SHROOM2: variants seen among roughly 807,000 people sequenced by gnomAD.
The protein encoded by SHROOM2 is protein Shroom2.
In SHROOM2, 33 loss-of-function variants were observed where a neutral mutation model predicts 75.9. The ratio of observed to expected loss-of-function variants is 0.43; its 90% CI spans 0.33 to 0.58. The LOEUF is 0.58. SHROOM2 is among the 20% of genes least tolerant of loss of function. SHROOM2 has a pLI of 0.04. For missense variants in SHROOM2, 1,434 were observed against 1,461.2 expected (o/e 0.98, Z 0.30); for synonymous variants, 655 against 663.6 (o/e 0.99, Z 0.20).
rs757346611 is a variant in SHROOM2 at position 9,869,152 on chromosome X, G to A, written c.166-4500G>A. On this transcript the variant is annotated intron_variant, in intron 1 of 9. Coordinates refer to ENST00000380913, the MANE Select transcript of SHROOM2 (RefSeq NM_001649.4). ...TTGTTTGTATTTTTAGTAGAGACAG[G>A]GTTTCACCATGTTGGCCACGCTGGT... 2.8e-5 allele frequency among the ~76,000 whole-genome samples: 3 copies of A among 109,073 alleles called. No individual in the cohort carries two copies. In the South Asian group the frequency reaches 1.2e-3, roughly 44 times the overall value. The allele number at this position is 109,073 out of a possible 115,157, so 94.7% of individuals were successfully genotyped here. A position where few individuals can be genotyped will look rare whatever the true frequency, so the allele number is the denominator to read the frequency against.
intron 1 of SHROOM2, among the ~76,000 whole-genome samples, chrX:9,821,241 C>G (rs1349989302): frequency 8.9e-6 from 1 of 112,312 alleles, no homozygotes; most frequent in Non-Finnish European, 1.9e-5. Context: ...TTAGCATGTG[C>G]AAAACCTCGG....
At chrX:9,884,677 T>TAA (rs34693829) in intron 2 of SHROOM2, among the ~76,000 whole-genome samples, 1 of 86,520 alleles carries the variant, frequency 1.2e-5, no homozygotes, top group Non-Finnish European at 2.2e-5. Flanking sequence ...CCCTGTCCTT[T>TAA]AAAAAAAAAA....
chrX:9,856,904 A>G (rs1332921383), intron 1 of SHROOM2, among the ~76,000 whole-genome samples: 3 of 112,555 alleles, frequency 2.7e-5, no homozygotes, highest in East Asian at 5.6e-4. Context: ...GGGACCGCAC[A>G]TGCCACCCTG....
chrX:9,819,457 C>T (rs1569141125), intron 1 of SHROOM2: 6 of 310,824 alleles, frequency 1.9e-5, no homozygotes, highest in Middle Eastern at 4.8e-4. Flanking sequence ...CTGGGGTTGA[C>T]GTTGACAGAC....
chrX:9,894,285 G>A (rs965690184), intron 3 of SHROOM2, 73 bp from the exon 4 acceptor site: 30 of 1,016,380 alleles, frequency 3.0e-5, no homozygotes, highest in Admixed American at 5.6e-5. Context: ...GGTCAGCTGC[G>A]TCCACCGCCT....
At position 9,895,547 on chromosome X, in the gene SHROOM2, G is replaced by C; in HGVS notation, c.1639G>C (p.Ala547Pro). 8.5e-7 allele frequency: 1 copy of C among 1,182,132 alleles called. No individual in the cohort carries two copies. The highest frequency in any genetic ancestry group is 1.1e-6 in the Non-Finnish European group (1 of 882,138). ...PLDKGAEGCS[A>P]GAQEPPRASR... is the part of the protein sequence containing the mutation. Reference sequence around the variant, plus strand: ...GGACAAAGGGGCCGAGGGCTGCTCCGCGGGAGCCCAGGAGCCTCCCAGGGC... The same window carrying C: ...GGACAAAGGGGCCGAGGGCTGCTCCCCGGGAGCCCAGGAGCCTCCCAGGGC... Residue 547 changes from alanine to proline, a missense_variant, in exon 4 of 10, where the codon GCG (alanine) becomes CCG (proline). Transcript: ENST00000380913.
chrX:9,911,942 G>A lies in SHROOM2; in HGVS notation c.2891+13652G>A, dbSNP rs148596357. ...TGCAGTGGGCTTTCTATATTTCCCC[G>A]TTAAAATATAAGAAGTGCTGGGCAC... On this transcript the variant is annotated intron_variant, in intron 5 of 9. Transcript: ENST00000380913. Among the ~76,000 whole-genome samples, 1,002 of 109,812 alleles carry A rather than the reference G, an allele frequency of 9.1e-3. 16 individuals carry two copies. Among genetic ancestry groups the A allele is most frequent in the African/African-American group, 0.031 (922 of 30,110 alleles).
chrX:9,857,996 C>T (rs544123245), intron 1 of SHROOM2, among the ~76,000 whole-genome samples: 331 of 111,419 alleles, frequency 3.0e-3, no homozygotes, highest in African/African-American at 0.01. Context: ...CCAGCCTCTG[C>T]GAGCGCTGGC....
chrX:9,890,841 G>A (rs1421562426), intron 2 of SHROOM2, 136 bp from the exon 3 acceptor site: 12 of 560,944 alleles, frequency 2.1e-5, no homozygotes, highest in East Asian at 2.0e-4. Context: ...CGCTGTGTGC[G>A]GTCCTCAAGC....
intron 1 of SHROOM2, among the ~76,000 whole-genome samples, chrX:9,832,230 T>C (rs896447835): frequency 2.0e-4 from 22 of 111,967 alleles, no homozygotes; most frequent in Non-Finnish European, 3.4e-4. Context: ...GGCAGGGAGC[T>C]CCTTAGGCCT....
intron 5 of SHROOM2, chrX:9,913,259 C>A (rs764124882): frequency 6.0e-4 from 68 of 112,551 alleles, no homozygotes; most frequent in African/African-American, 2.0e-3. Flanking sequence ...GAAAAAAAAG[C>A]GGCGAAATCA....
At chrX:9,944,480 C>T (rs746472294) in intron 8 of SHROOM2, among the ~76,000 whole-genome samples, 161 bp from the exon 9 acceptor site, 11 of 112,278 alleles carry the variant, frequency 9.8e-5, no homozygotes, top group Admixed American at 5.6e-4. Flanking sequence ...TTCCCTTAGT[C>T]GTATAAATCC....
intron 1 of SHROOM2, among the ~76,000 whole-genome samples, chrX:9,825,938 C>T (rs1417122875): frequency 1.8e-5 from 2 of 112,446 alleles, no homozygotes; most frequent in Admixed American, 1.9e-4. Context: ...CGACACACAA[C>T]CGTGTGTGTT....
chrX:9,811,086 G>A (rs969987134), intron 1 of SHROOM2, among the ~76,000 whole-genome samples: 1 of 112,143 alleles, frequency 8.9e-6, no homozygotes, highest in African/African-American at 3.2e-5. Context: ...TGGAGTAAGT[G>A]TCTATTCCAG....
intron 1 of SHROOM2, among the ~76,000 whole-genome samples, chrX:9,832,668 G>A (rs995328935): frequency 1.9e-5 from 2 of 107,964 alleles, no homozygotes; most frequent in Non-Finnish European, 3.8e-5. Context: ...CCAGCTGACC[G>A]CTGAGCTCAC....
chrX:9,828,171 A>C (rs1054954701), intron 1 of SHROOM2, among the ~76,000 whole-genome samples: 1 of 112,689 alleles, frequency 8.9e-6, no homozygotes, highest in Non-Finnish European at 1.9e-5. Flanking sequence ...AGAGCAGGGA[A>C]AACTGCCTTA....
intron 1 of SHROOM2, among the ~76,000 whole-genome samples, chrX:9,797,114 C>T (rs1395078206): frequency 8.9e-6 from 1 of 112,384 alleles, no homozygotes; most frequent in African/African-American, 3.2e-5. Context: ...GCTGCCTGCC[C>T]GAGTCCTTGT....
chrX:9,911,632 G>T (rs973580825), intron 5 of SHROOM2, among the ~76,000 whole-genome samples: 2 of 110,981 alleles, frequency 1.8e-5, no homozygotes, highest in East Asian at 5.7e-4. Context: ...GGGGCTCAGG[G>T]ACTTTAAATA....
intron 1 of SHROOM2, among the ~76,000 whole-genome samples, chrX:9,816,853 C>T (rs994010629): frequency 5.4e-5 from 6 of 111,938 alleles, no homozygotes; most frequent in Non-Finnish European, 9.4e-5. Context: ...GGTTATATTT[C>T]AGAAACCCGT....
Sources: gnomAD v4.1 joint callset for allele counts (sites outside exome capture counted in the v4.1 genomes callset) on GRCh38, gnomAD v4.1.1 for gene constraint, MANE v1.5 for transcripts, NCBI Gene and HGNC (gene_info 2026-07-23, HGNC 2026-07-21) for gene names.